SP3: variants seen among roughly 807,000 people sequenced by gnomAD.
The protein encoded by SP3 is transcription factor Sp3.
In SP3, 10 loss-of-function variants were observed where a neutral mutation model predicts 70.3. The ratio of observed to expected loss-of-function variants is 0.14; its 90% CI spans 0.09 to 0.24. The LOEUF is 0.24. SP3 is among the 10% of genes least tolerant of loss of function. The pLI is 1.00. For synonymous variants in SP3, 402 were observed against 333.5 expected (o/e 1.21, Z -2.24); for missense variants, 825 against 914.6 (o/e 0.90, Z 1.26).
chr2:173,942,719 C>A (rs1482693314), intron 4 of SP3, among the ~76,000 whole-genome samples: 2 of 152,152 alleles, frequency 1.3e-5, no homozygotes, highest in Admixed American at 6.6e-5. Flanking sequence ...AAAGCCATAA[C>A]AGACTTAATT....
intron 4 of SP3, among the ~76,000 whole-genome samples, chr2:173,941,598 T>TA (rs1266773170): frequency 2.6e-5 from 4 of 151,934 alleles, no homozygotes; most frequent in African/African-American, 7.2e-5. Context: ...AGACCCTGCC[T>TA]AAAAAAAAGA....
At chr2:173,958,286 T>C (rs1158314475) in intron 3 of SP3, among the ~76,000 whole-genome samples, 2 of 144,058 alleles carry the variant, frequency 1.4e-5, no homozygotes, top group African/African-American at 5.2e-5. Flanking sequence ...TTTTTTTTTT[T>C]ACAAAATAGT....
intron 3 of SP3, among the ~76,000 whole-genome samples, chr2:173,962,175 T>A (rs1047311116): frequency 6.6e-6 from 1 of 152,162 alleles, no homozygotes; most frequent in African/African-American, 2.4e-5. Context: ...CAGTATTCTA[T>A]CCTTGGGCCT....
Position 173,921,530 on chromosome 2 carries a change from A to AAAACAAAC in SP3, c.1640-2753_1640-2746dup, listed in dbSNP as rs57470941. ...GAGAGAGCGGTCCCGTCACTATCCA[A>AAAACAAAC]AAACAAACAAACAAACAAACAAACA... On this transcript the variant is annotated intron_variant, in intron 4 of 6. Coordinates refer to ENST00000310015, the MANE Select transcript of SP3 (RefSeq NM_003111.5). Among the ~76,000 whole-genome samples, 22 of 150,062 alleles carry AAAACAAAC rather than the reference A, an allele frequency of 1.5e-4. No individual in the cohort carries two copies. The East Asian group carries it at 1.8e-3, about 12-fold the overall frequency.
At chr2:173,963,980 G>C (rs900711830) in intron 2 of SP3, 97 bp from the exon 3 acceptor site, 2 of 776,486 alleles carry the variant, frequency 2.6e-6, no homozygotes, top group Non-Finnish European at 1.9e-6. Flanking sequence ...CTCGGTCCCC[G>C]CCGACTGCGC....
intron 3 of SP3, among the ~76,000 whole-genome samples, chr2:173,957,940 A>G (rs1407946659): frequency 6.6e-6 from 1 of 152,172 alleles, no homozygotes; most frequent in Non-Finnish European, 1.5e-5. Context: ...AATCTGGTAT[A>G]GAAATTACAA....
chr2:173,913,009 G>C lies in SP3; in HGVS notation c.2029+61C>G, dbSNP rs145198765. ...AGTAAGGAATGCTAATAAAAAAGAAGTCAAGGCAGTTATGTAGCCCTATAA... is the reference window on the plus strand; with the variant it reads ...AGTAAGGAATGCTAATAAAAAAGAACTCAAGGCAGTTATGTAGCCCTATAA... On this transcript the variant is annotated intron_variant, in intron 6 of 6. Coordinates refer to ENST00000310015, the MANE Select transcript of SP3 (RefSeq NM_003111.5). 12 of 1,278,724 alleles carry C rather than the reference G, an allele frequency of 9.4e-6. No individual in the cohort carries two copies. In the Middle Eastern group the frequency reaches 7.8e-4, roughly 83 times the overall value. The allele number at this position is 1,278,724 out of a possible 1,614,324, so 79.2% of individuals were successfully genotyped here.
At chr2:173,943,419 G>A (rs748280273) in intron 4 of SP3, among the ~76,000 whole-genome samples, 2 of 152,028 alleles carry the variant, frequency 1.3e-5, no homozygotes, top group Non-Finnish European at 2.9e-5. Context: ...TTCTCATAAG[G>A]CGGGATTTCC....
intron 4 of SP3, among the ~76,000 whole-genome samples, chr2:173,931,191 G>A (rs1324261931): frequency 6.6e-6 from 1 of 152,158 alleles, no homozygotes; most frequent in Admixed American, 6.5e-5. Flanking sequence ...CTTTTTGCTG[G>A]TGGAGGGTCT....
chr2:173,958,007 C>T lies in SP3; in HGVS notation c.280-1775G>A, dbSNP rs919148049. Among the ~76,000 whole-genome samples, 4 of 152,072 alleles carry T rather than the reference C, an allele frequency of 2.6e-5. No homozygotes were observed. The South Asian group carries it at 6.2e-4, about 24-fold the overall frequency. On this transcript the variant is annotated intron_variant, in intron 3 of 6. Transcript: ENST00000310015. Reference sequence around the variant, plus strand: ...CAAATGTTTCATTTCGGTCTCTTGGCATTTTAAGTAAACTACAAATATTTA... The same window carrying T: ...CAAATGTTTCATTTCGGTCTCTTGGTATTTTAAGTAAACTACAAATATTTA...
Position 173,965,151 on chromosome 2 carries a change from T to C in SP3, c.7+14A>G, listed in dbSNP as rs1691253980. 1 of 1,547,598 alleles carries C rather than the reference T, an allele frequency of 6.5e-7. No individual in the cohort carries two copies. Among genetic ancestry groups the C allele is most frequent in the Middle Eastern group, 2.2e-4 (1 of 4,638 alleles). On this transcript the variant is annotated intron_variant, in intron 1 of 6. Transcript: ENST00000310015. The stretch of plus-strand genomic sequence containing the variant: ...GGCGGCAGCAGCAAGGGTTGCTCTC[T>C]CGGCTTTACGTACCGGTCATAGTGT...
Position 173,943,243 on chromosome 2 carries a change from C to G in SP3, c.1639+11630G>C, listed in dbSNP as rs551671032. On this transcript the variant is annotated intron_variant, in intron 4 of 6. Transcript: ENST00000310015. Reference sequence around the variant, plus strand: ...AATAAATCCAATTTCCCTACCATGGCGTATATTATCTGGCCCCTGACTGAT... The same window carrying G: ...AATAAATCCAATTTCCCTACCATGGGGTATATTATCTGGCCCCTGACTGAT... 6.6e-5 allele frequency among the ~76,000 whole-genome samples: 10 copies of G among 152,240 alleles called. No homozygotes were observed. The South Asian group carries it at 2.1e-3, about 32-fold the overall frequency.
At chr2:173,911,421 G>C (rs1689479562) in intron 6 of SP3, among the ~76,000 whole-genome samples, 1 of 152,112 alleles carries the variant, frequency 6.6e-6, no homozygotes, top group South Asian at 2.1e-4. Context: ...TTCTACTAAA[G>C]TATTTCCCAG....
intron 6 of SP3, among the ~76,000 whole-genome samples, chr2:173,911,553 A>AAAGGTCCTAAGAGGTACTGCCTTG (rs1689482353): frequency 6.6e-6 from 1 of 152,206 alleles, no homozygotes; most frequent in East Asian, 1.9e-4. Flanking sequence ...CATTTAATTT[A>AAAGGTCCTAAGAGGTACTGCCTTG]AAGGTCCTAA....
In SP3 at chr2:173,909,834, T is replaced by A. The variant is rs1223565827; in HGVS notation, c.*107A>T. The A allele has an allele frequency of 3.9e-6, 4 of 1,014,882 alleles. No individual in the cohort carries two copies. Among genetic ancestry groups the A allele is most frequent in the Non-Finnish European group, 5.7e-6 (4 of 697,518 alleles). The allele number at this position is 1,014,882 out of a possible 1,614,324, so 62.9% of individuals were successfully genotyped here. On this transcript the variant is annotated 3_prime_UTR_variant, in exon 7 of 7. Coordinates refer to ENST00000310015, the MANE Select transcript of SP3 (RefSeq NM_003111.5). ...TCATGTATAACCAAGTTACTGTCAA[T>A]CCAAAAATTTTTGCACATCAATAAA...
At chr2:173,937,972 A>C (rs372766593) in intron 4 of SP3, among the ~76,000 whole-genome samples, 1 of 152,218 alleles carries the variant, frequency 6.6e-6, no homozygotes, top group Non-Finnish European at 1.5e-5. Context: ...TTAAAAAATG[A>C]CTTTAGGGCA....
chr2:173,952,495 C>T (rs1690737380), intron 4 of SP3, among the ~76,000 whole-genome samples: 1 of 152,122 alleles, frequency 6.6e-6, no homozygotes, highest in Non-Finnish European at 1.5e-5. Flanking sequence ...GAATGTAAAA[C>T]GGTATGGTCT....
intron 4 of SP3, among the ~76,000 whole-genome samples, chr2:173,942,672 A>C (rs1373747987): frequency 1.3e-5 from 2 of 152,166 alleles, no homozygotes; most frequent in Non-Finnish European, 2.9e-5. Context: ...TACTGGAACC[A>C]TCCACTTGTA....
At chr2:173,914,070 G>A (rs1006813667) in intron 5 of SP3, 1 of 151,890 alleles carries the variant, frequency 6.6e-6, no homozygotes. Flanking sequence ...GTGAACAGAG[G>A]TATCTTAGCC....
Sources: allele counts gnomAD v4.1 joint callset (sites outside exome capture counted in the v4.1 genomes callset), GRCh38; gene constraint gnomAD v4.1.1; transcripts MANE v1.5; gene names NCBI Gene and HGNC (gene_info 2026-07-23, HGNC 2026-07-21).